Variants in TTBK2 observed in about 807,000 individuals in gnomAD.
TTBK2 encodes the protein tau tubulin kinase 2.
Under a neutral mutation model 110.8 loss-of-function variants are expected in TTBK2, and 28 were observed. That is an observed-to-expected ratio of 0.25 (90% CI 0.19 to 0.35). The LOEUF (loss-of-function observed/expected upper bound fraction) is 0.35, where lower values mean the gene tolerates loss of function less well. Among genes scored for constraint, TTBK2 ranks in the 10% least tolerant of loss-of-function variants. TTBK2 has a pLI of 1.00. For missense variants in TTBK2, 1,369 were observed against 1,500.3 expected (o/e 0.91, Z 1.45); for synonymous variants, 532 against 527.3 (o/e 1.01, Z -0.12).
At chr15:42,853,533 G>GA (rs570083572) in intron 3 of TTBK2, among the ~76,000 whole-genome samples, 96 of 151,948 alleles carry the variant, frequency 6.3e-4, no homozygotes, top group African/African-American at 2.2e-3. Context: ...TCATCCAAGG[G>GA]AAAAAACAGA....
At chr15:42,763,133 TATATACATAC>T (rs2062062514) in intron 13 of TTBK2, among the ~76,000 whole-genome samples, 4 of 94,696 alleles carry the variant, frequency 4.2e-5, no homozygotes, top group African/African-American at 2.3e-4. Context: ...TATATATACA[TATATACATAC>T]ATATATATAT....
intron 1 of TTBK2, among the ~76,000 whole-genome samples, chr15:42,891,172 CT>C (rs758372860): frequency 0.019 from 2,331 of 125,748 alleles, 66 homozygotes; most frequent in African/African-American, 0.06. Context: ...CCATGCCCGA[CT>C]TTTTTTTTTT....
At chr15:42,897,207 T>C (rs755630147) in intron 1 of TTBK2, among the ~76,000 whole-genome samples, 26 of 152,146 alleles carry the variant, frequency 1.7e-4, no homozygotes, top group South Asian at 4.1e-4. Context: ...TAACTATCAA[T>C]AGATATAAAT....
chr15:42,865,277 T>C (rs559803379), intron 3 of TTBK2, among the ~76,000 whole-genome samples: 3 of 152,012 alleles, frequency 2.0e-5, no homozygotes, highest in South Asian at 2.1e-4. Context: ...CTAGCCAACA[T>C]GGTGAAACCC....
At chr15:42,899,155 G>A (rs550707676) in intron 1 of TTBK2, among the ~76,000 whole-genome samples, 1 of 150,762 alleles carries the variant, frequency 6.6e-6, no homozygotes, top group Admixed American at 6.8e-5. Context: ...ACCTTGCCTG[G>A]CTAATTTTTT....
intron 13 of TTBK2, among the ~76,000 whole-genome samples, chr15:42,757,103 T>C (rs959525871): frequency 3.3e-5 from 5 of 152,066 alleles, no homozygotes; most frequent in African/African-American, 1.2e-4. Flanking sequence ...ATTATCATTT[T>C]TTAATTATTA....
chr15:42,809,414 A>T (rs1377178224), intron 9 of TTBK2, among the ~76,000 whole-genome samples: 1 of 152,224 alleles, frequency 6.6e-6, no homozygotes, highest in Non-Finnish European at 1.5e-5. Flanking sequence ...ATATAGGTTT[A>T]AGAAGAGAAT....
chr15:42,862,802 C>A (rs1013814803), intron 3 of TTBK2, among the ~76,000 whole-genome samples: 1 of 152,132 alleles, frequency 6.6e-6, no homozygotes, highest in Admixed American at 6.5e-5. Context: ...GCTGGAGAAT[C>A]GCTTGAACCA....
intron 6 of TTBK2, among the ~76,000 whole-genome samples, chr15:42,820,364 T>C (rs1892239592): frequency 6.6e-6 from 1 of 152,140 alleles, no homozygotes. Context: ...TAGTTCCATG[T>C]AGTAGGAGAG....
At chr15:42,847,247 C>G (rs1442055749) in intron 3 of TTBK2, among the ~76,000 whole-genome samples, 1 of 152,128 alleles carries the variant, frequency 6.6e-6, no homozygotes, top group African/African-American at 2.4e-5. Context: ...TTTGAAGTAC[C>G]TGTAAAAGCT....
At chr15:42,868,396 A>G (rs1894469626) in intron 3 of TTBK2, among the ~76,000 whole-genome samples, 1 of 152,160 alleles carries the variant, frequency 6.6e-6, no homozygotes, top group South Asian at 2.1e-4. Context: ...ATCAATTGTA[A>G]CAAATGTACA....
At chr15:42,746,469 G>A (rs979836757) in intron 14 of TTBK2, among the ~76,000 whole-genome samples, 4 of 152,050 alleles carry the variant, frequency 2.6e-5, no homozygotes, top group African/African-American at 9.7e-5. Flanking sequence ...TATCTCACAG[G>A]GTCACTGAAC....
At chr15:42,817,993 GCTTT>G (rs1030501686) in intron 6 of TTBK2, among the ~76,000 whole-genome samples, 3 of 151,980 alleles carry the variant, frequency 2.0e-5, no homozygotes, top group East Asian at 1.9e-4. Context: ...CTTTTACTCT[GCTTT>G]CTTTCTTTCT....
At chr15:42,755,062 C>T (rs570465066) in intron 13 of TTBK2, among the ~76,000 whole-genome samples, 1 of 150,468 alleles carries the variant, frequency 6.6e-6, no homozygotes, top group South Asian at 2.1e-4. Flanking sequence ...GAAAATCTAC[C>T]CCCCTTCCAC....
intron 14 of TTBK2, among the ~76,000 whole-genome samples, chr15:42,748,858 T>C (rs920911817): frequency 7.2e-5 from 11 of 152,256 alleles, no homozygotes; most frequent in African/African-American, 2.7e-4. Flanking sequence ...ATCTTTACTA[T>C]GTATGGTTGT....
At chr15:42,814,706 A>T (rs2140936869) in intron 7 of TTBK2, among the ~76,000 whole-genome samples, 1 of 152,392 alleles carries the variant, frequency 6.6e-6, no homozygotes, top group East Asian at 1.9e-4. Context: ...TTTTAAGTTT[A>T]GACAAGCAAC....
chr15:42,787,298 G>A (rs144655902), intron 10 of TTBK2, among the ~76,000 whole-genome samples: 41 of 152,216 alleles, frequency 2.7e-4, no homozygotes, highest in Admixed American at 1.0e-3. Flanking sequence ...GATTTAAAGC[G>A]TCCTCTTACC....
At position 42,783,696 on chromosome 15, in the gene TTBK2, T is replaced by C. The variant is rs1040659823; in HGVS notation, c.981-61A>G. 3 of 1,170,526 alleles carry C rather than the reference T, an allele frequency of 2.6e-6. No homozygotes were observed. In the African/African-American group the frequency reaches 4.6e-5, roughly 18 times the overall value. The allele number at this position is 1,170,526 out of a possible 1,614,324, so 72.5% of individuals were successfully genotyped here. On this transcript the variant is annotated intron_variant, in intron 10 of 14. Coordinates refer to ENST00000267890, the MANE Select transcript of TTBK2 (RefSeq NM_173500.4). ...AAAATTACTATGAGACTATCTTACA[T>C]CATTTTATTTCTTCATTTAAATGAA... is the stretch of plus-strand genomic sequence containing the variant.
chr15:42,814,489 A>G lies in TTBK2; in HGVS notation c.603+2543T>C, dbSNP rs1383556176. Among the ~76,000 whole-genome samples the G allele has an allele frequency of 2.6e-5, 4 of 152,068 alleles. No individual in the cohort carries two copies. In the East Asian group the frequency reaches 7.7e-4, roughly 29 times the overall value. ...CTACTGAGAAGGCTGAAGTGAGAAGATTGCTTGAGCCCAGGAGTTCAAGGT... is the reference window on the plus strand; with the variant it reads ...CTACTGAGAAGGCTGAAGTGAGAAGGTTGCTTGAGCCCAGGAGTTCAAGGT... On this transcript the variant is annotated intron_variant, in intron 7 of 14. Coordinates refer to ENST00000267890, the MANE Select transcript of TTBK2 (RefSeq NM_173500.4).
Sources: gnomAD v4.1 joint callset for allele counts (sites outside exome capture counted in the v4.1 genomes callset) on GRCh38, gnomAD v4.1.1 for gene constraint, MANE v1.5 for transcripts, NCBI Gene and HGNC (gene_info 2026-07-23, HGNC 2026-07-21) for gene names.